Variants in UCMA observed in about 807,000 individuals in gnomAD.
UCMA encodes upper zone of growth plate and cartilage matrix-associated protein.
UCMA carries 21 observed loss-of-function variants against 21.8 expected under a neutral mutation model. That is an observed-to-expected ratio of 0.97 (90% CI 0.68 to 1.39). UCMA has a LOEUF of 1.39. UCMA is among the 40% of genes most tolerant of loss of function. The probability of loss-of-function intolerance (pLI) is 0.00; values close to 1 mark genes in which losing one functional copy is unlikely to be tolerated. For synonymous variants in UCMA, 76 were observed against 67.9 expected, an observed-to-expected ratio of 1.12 and a Z score of -0.58; for missense variants, 193 against 178.9, an observed-to-expected ratio of 1.08 and a Z score of -0.45.
intron 3 of UCMA, 73 bp from the exon 4 acceptor site, chr10:13,229,782 C>T (rs1257008783): frequency 2.3e-6 from 3 of 1,288,520 alleles, no homozygotes; most frequent in Non-Finnish European, 3.3e-6. Flanking sequence ...TAGGGGAGCA[C>T]AGTTCATCTG....
intron 4 of UCMA, among the ~76,000 whole-genome samples, chr10:13,222,653 T>C (rs759433293): frequency 9.2e-5 from 14 of 152,010 alleles, no homozygotes; most frequent in South Asian, 4.2e-4. Context: ...TTTTCCTCCA[T>C]ACTGTTCTGA....
intron 4 of UCMA, among the ~76,000 whole-genome samples, chr10:13,224,405 G>T (rs1454630691): frequency 1.3e-5 from 2 of 151,664 alleles, no homozygotes; most frequent in Non-Finnish European, 2.9e-5. Flanking sequence ...GAGAAAAAAA[G>T]AGAAAGAAAA....
At chr10:13,229,554 A>G (rs1165649444) in intron 4 of UCMA, 57 bp downstream of exon 4, 4 of 1,464,706 alleles carry the variant, frequency 2.7e-6, no homozygotes, top group Admixed American at 2.0e-5. Flanking sequence ...AAAGCAAACC[A>G]TGTGATTTCT....
intron 3 of UCMA, 35 bp downstream of exon 3, chr10:13,233,503 A>T (rs2131608623): frequency 1.3e-6 from 2 of 1,574,674 alleles, no homozygotes; most frequent in Admixed American, 1.7e-5. Context: ...AGAGGTGGTG[A>T]TGGACGCGGG....
intron 4 of UCMA, 72 bp downstream of exon 4, chr10:13,229,539 A>G: frequency 1.5e-6 from 2 of 1,375,798 alleles, no homozygotes; most frequent in South Asian, 2.5e-5. Flanking sequence ...TGGGTAGAAG[A>G]AGAGAAAGCA....
chr10:13,227,711 T>C (rs1834840398), intron 4 of UCMA, among the ~76,000 whole-genome samples: 1 of 60,690 alleles, frequency 1.6e-5, no homozygotes, highest in Non-Finnish European at 3.1e-5. Flanking sequence ...AATGAGACTG[T>C]CTCAAAAAAA....
At chr10:13,231,459 C>A (rs183217307) in intron 3 of UCMA, among the ~76,000 whole-genome samples, 10 of 152,318 alleles carry the variant, frequency 6.6e-5, no homozygotes, top group African/African-American at 2.4e-4. Flanking sequence ...CTTCCCTCTT[C>A]CCACCCACTG....
Position 13,234,223 on chromosome 10 carries a change from G to A in UCMA, c.36C>T (p.Phe12=). ...TWRQAVLLSC[F]SAVVLLSMLR... ...CACTAGACAGGAGCACCACGGCGGA[G>A]AAGCAAGACAGCAGGACGGCCTGTC... is the stretch of plus-strand genomic sequence containing the variant. The change falls in exon 1 of 5, where the codon TTC becomes TTT. Residue 12 remains phenylalanine (F), a synonymous_variant. Coordinates refer to ENST00000378681, the MANE Select transcript of UCMA (RefSeq NM_145314.3). 1 of 1,613,324 alleles carries A rather than the reference G, an allele frequency of 6.2e-7. No homozygotes were observed. Among genetic ancestry groups the A allele is most frequent in the Non-Finnish European group, 8.5e-7 (1 of 1,179,876 alleles).
At chr10:13,231,576 C>A (rs1168146135) in intron 3 of UCMA, among the ~76,000 whole-genome samples, 1 of 152,168 alleles carries the variant, frequency 6.6e-6, no homozygotes, top group East Asian at 1.9e-4. Flanking sequence ...CCTAAAGAAG[C>A]GTCCTCTGTC....
intron 4 of UCMA, among the ~76,000 whole-genome samples, chr10:13,226,290 G>A (rs1338653050): frequency 6.6e-6 from 1 of 150,832 alleles, no homozygotes; most frequent in Non-Finnish European, 1.5e-5. Context: ...GAACTCCCCA[G>A]GATCAAGTGA....
chr10:13,229,082 C>T (rs1440386687), intron 4 of UCMA, among the ~76,000 whole-genome samples: 1 of 151,916 alleles, frequency 6.6e-6, no homozygotes, highest in Non-Finnish European at 1.5e-5. Context: ...GTTACAGGTG[C>T]CCGCCACCAC....
Position 13,222,196 on chromosome 10 carries a change from C to T in UCMA, c.324G>A (p.Gln108=). 1 of 1,613,690 alleles carries T rather than the reference C, an allele frequency of 6.2e-7. No individual in the cohort carries two copies. The highest frequency in any genetic ancestry group is 8.5e-7 in the Non-Finnish European group (1 of 1,179,906). The change falls in exon 5 of 5, where the codon CAG becomes CAA. Residue 108 remains glutamine (Q), a synonymous_variant. Transcript: ENST00000378681. ...ENFVEEQNDE[Q]EERSREAVEQ... ...CCACAGCCTCCCGGCTCCTCTCTTC[C>T]TGCTCTGGGGAGGAAAGACAAAGCC...
chr10:13,233,821 G>A (rs368794338), intron 1 of UCMA, 21 bp from the exon 2 acceptor site: 17 of 1,613,498 alleles, frequency 1.1e-5, no homozygotes, highest in Middle Eastern at 1.7e-4. Context: ...AGGGCACAGA[G>A]TGAGGCTGCA....
At chr10:13,223,225 CA>C (rs199884773) in intron 4 of UCMA, among the ~76,000 whole-genome samples, 13,669 of 116,942 alleles carry the variant, frequency 0.12, 891 homozygotes, top group Non-Finnish European at 0.17. Flanking sequence ...GATCCTATCT[CA>C]AAAAAAAAAA....
chr10:13,224,941 G>A lies in UCMA; in HGVS notation c.320-2741C>T, dbSNP rs553415907. Among the ~76,000 whole-genome samples the A allele has an allele frequency of 3.9e-5, 6 of 152,346 alleles. No individual in the cohort carries two copies. In the South Asian group the frequency reaches 8.3e-4, roughly 21 times the overall value. ...GAGCTCACAGAGCCAGGCCCAGGCC[G>A]GAGCTTTGTGTGTTCATCTTCAGCT... On this transcript the variant is annotated intron_variant, in intron 4 of 4. Coordinates refer to ENST00000378681, the MANE Select transcript of UCMA (RefSeq NM_145314.3).
intron 4 of UCMA, among the ~76,000 whole-genome samples, chr10:13,228,878 C>A (rs1432017023): frequency 6.6e-6 from 1 of 152,034 alleles, no homozygotes; most frequent in Non-Finnish European, 1.5e-5. Context: ...GGTATTCTGT[C>A]CCCTTCCACA....
chr10:13,230,987 G>A (rs1834890498), intron 3 of UCMA, among the ~76,000 whole-genome samples: 1 of 152,008 alleles, frequency 6.6e-6, no homozygotes, highest in Non-Finnish European at 1.5e-5. Context: ...AACCGGGGAG[G>A]TGGAGGTTGA....
Position 13,234,330 on chromosome 10 carries a change from CT to C in UCMA, c.-73del. 5.8e-6 allele frequency: 9 copies of C among 1,540,898 alleles called. No homozygotes were observed. In the South Asian group the frequency reaches 9.5e-5, roughly 16 times the overall value. On this transcript the variant is annotated 5_prime_UTR_variant, in exon 1 of 5. Coordinates refer to ENST00000378681, the MANE Select transcript of UCMA (RefSeq NM_145314.3). ...GCGTCCTGCACCCTTTGGGTCCCCA[CT>C]TCTGAGGCAGGCAGCCCAGGCGAGA...
rs3829925 is a variant in UCMA at position 13,233,553 on chromosome 10, T to A, written c.205A>T (p.Arg69Ter). Residue 69 changes from arginine (R) to a stop codon, truncating the protein, a stop_gained, in exon 3 of 5, where the codon AGA becomes TGA. Transcript: ENST00000378681. LOFTEE classifies it high-confidence loss of function. ...GCATCCTTACCATTGACCTCATCTC[T>A]GGACTTGGGGGACCGCTTGCCGCGC... The part of the protein sequence containing the change: ...KRRGKRSPKS[R>*]DEVNVENRQK... 18 of 1,613,738 alleles carry A rather than the reference T, an allele frequency of 1.1e-5. No individual in the cohort carries two copies. The East Asian group carries it at 2.0e-4, about 18-fold the overall frequency.
Sources: gnomAD v4.1 joint callset for allele counts (sites outside exome capture counted in the v4.1 genomes callset) on GRCh38, gnomAD v4.1.1 for gene constraint, MANE v1.5 for transcripts, NCBI Gene and HGNC (gene_info 2026-07-23, HGNC 2026-07-21) for gene names.